Variants in CPAP observed in about 807,000 individuals in gnomAD.
CPAP encodes centrosome assembly and centriole elongation protein.
At chr13:24,908,051 T>C in the CPAP span, 3 of 1,612,904 alleles carry the variant, frequency 1.9e-6, no homozygotes, top group Admixed American at 3.3e-5. Flanking sequence ...TGAGGAATCA[T>C]CATGTTTTTG....
At chr13:24,913,191 T>C in the CPAP span, 25 of 616,980 alleles carry the variant, frequency 4.1e-5, no homozygotes, top group Non-Finnish European at 5.1e-5. Flanking sequence ...ATGTCCTCAA[T>C]ATTTCATATA....
chr13:24,922,118 C>A, the CPAP span, among the ~76,000 whole-genome samples: 2 of 152,118 alleles, frequency 1.3e-5, no homozygotes, highest in African/African-American at 4.8e-5. Flanking sequence ...AGCAATTATA[C>A]CTCAATAAAA....
chr13:24,899,261 G>A, the CPAP span, among the ~76,000 whole-genome samples: 1 of 152,176 alleles, frequency 6.6e-6, no homozygotes, highest in Non-Finnish European at 1.5e-5. Context: ...GACTACCAAA[G>A]ATATTCCTGA....
chr13:24,892,531 TG>T, the CPAP span: 5 of 830,064 alleles, frequency 6.0e-6, no homozygotes, highest in Admixed American at 8.9e-5. Context: ...CACTCCCCAC[TG>T]CCCCCCCAGC....
the CPAP span, among the ~76,000 whole-genome samples, chr13:24,925,229 G>A: frequency 2.4e-3 from 368 of 152,246 alleles, 1 homozygote; most frequent in African/African-American, 8.5e-3. Flanking sequence ...CTCTCACCTT[G>A]GCCTCTGAAA....
the CPAP span, chr13:24,885,432 C>G: frequency 1.3e-5 from 18 of 1,377,448 alleles, no homozygotes; most frequent in Admixed American, 1.5e-4. Flanking sequence ...ACTCTTACTT[C>G]CAAAGCCAGA....
chr13:24,904,164 C>T, the CPAP span: 1 of 1,260,338 alleles, frequency 7.9e-7, no homozygotes, highest in Non-Finnish European at 1.1e-6. Flanking sequence ...AACATCTGTG[C>T]TATTAAAATG....
At chr13:24,902,403 A>G in the CPAP span, among the ~76,000 whole-genome samples, 1 of 152,246 alleles carries the variant, frequency 6.6e-6, no homozygotes, top group Non-Finnish European at 1.5e-5. Flanking sequence ...CATTTTACCC[A>G]TAACTACTAT....
At chr13:24,920,638 T>G in the CPAP span, among the ~76,000 whole-genome samples, 1 of 150,198 alleles carries the variant, frequency 6.7e-6, no homozygotes, top group Admixed American at 6.6e-5. Flanking sequence ...TTTTTTTTTT[T>G]GAGATGGAGT....
chr13:24,883,459 C>G, the CPAP span: 1 of 952,576 alleles, frequency 1.0e-6, no homozygotes, highest in Non-Finnish European at 1.6e-6. Context: ...CCTTTTGAGT[C>G]TGGCAGCTAC....
At chr13:24,903,427 T>C in the CPAP span, among the ~76,000 whole-genome samples, 2 of 152,114 alleles carry the variant, frequency 1.3e-5, no homozygotes, top group African/African-American at 4.8e-5. Context: ...AAGATGGCCA[T>C]GTGACCACAG....
At chr13:24,912,555 T>C in the CPAP span, 1 of 1,578,612 alleles carries the variant, frequency 6.3e-7, no homozygotes, top group Non-Finnish European at 8.7e-7. Flanking sequence ...ATGACATAAA[T>C]TCACAGTAGG....
chr13:24,898,930 A>C, the CPAP span, among the ~76,000 whole-genome samples: 1 of 152,236 alleles, frequency 6.6e-6, no homozygotes, highest in African/African-American at 2.4e-5. Flanking sequence ...AATGTCGTAA[A>C]TAAATTCACC....
chr13:24,900,482 T>G, the CPAP span, among the ~76,000 whole-genome samples: 2 of 151,978 alleles, frequency 1.3e-5, no homozygotes, highest in African/African-American at 2.4e-5. Context: ...AATCCCGTCT[T>G]TACTGAAAAT....
the CPAP span, chr13:24,886,440 C>A: frequency 3.0e-4 from 310 of 1,020,582 alleles, 1 homozygote; most frequent in African/African-American, 4.8e-3. Context: ...TTTATAGGTC[C>A]CAAACTGCCA....
the CPAP span, chr13:24,886,027 G>C: frequency 1.1e-5 from 4 of 374,050 alleles, no homozygotes; most frequent in African/African-American, 2.1e-5. Context: ...TGGGTATTTA[G>C]TTAAAACATA....
At chr13:24,890,997 C>T in the CPAP span, among the ~76,000 whole-genome samples, 1 of 151,836 alleles carries the variant, frequency 6.6e-6, no homozygotes, top group African/African-American at 2.4e-5. Flanking sequence ...ATGGCCACTA[C>T]CCTCATGTCC....
chr13:24,889,444 C>T, the CPAP span: 1 of 1,260,542 alleles, frequency 7.9e-7, no homozygotes, highest in Non-Finnish European at 1.2e-6. Context: ...GAGTGTTAGT[C>T]TATTAATACA....
At chr13:24,891,753 C>CA in the CPAP span, among the ~76,000 whole-genome samples, 7 of 152,126 alleles carry the variant, frequency 4.6e-5, no homozygotes, top group Admixed American at 3.3e-4. Flanking sequence ...TCCAGACTCC[C>CA]ACTCACTCAA....
Sources: allele counts gnomAD v4.1 joint callset (sites outside exome capture counted in the v4.1 genomes callset), GRCh38; gene constraint gnomAD v4.1.1; transcripts MANE v1.5; gene names NCBI Gene and HGNC (gene_info 2026-07-23, HGNC 2026-07-21).